FOXJ3: variants seen among roughly 807,000 people sequenced by gnomAD.
The protein encoded by FOXJ3 is forkhead box J3.
In FOXJ3, 22 loss-of-function variants were observed where a neutral mutation model predicts 76.1. The observed-to-expected ratio is 0.29, with a 90% CI of 0.21 to 0.41. The LOEUF (loss-of-function observed/expected upper bound fraction) is 0.41. FOXJ3 is among the 10% of genes least tolerant of loss of function. The pLI is 1.00. For missense variants in FOXJ3, 613 were observed against 762.1 expected, an observed-to-expected ratio of 0.80 and a Z score of 2.30; for synonymous variants, 269 against 261.2, an observed-to-expected ratio of 1.03 and a Z score of -0.29.
At chr1:42,210,283 A>C (rs905818711) in intron 5 of FOXJ3, among the ~76,000 whole-genome samples, 3 of 151,962 alleles carry the variant, frequency 2.0e-5, no homozygotes. Flanking sequence ...GACTTGCTTG[A>C]CCCGGCCCCC....
chr1:42,310,686 G>T (rs1417754914), intron 2 of FOXJ3, among the ~76,000 whole-genome samples: 1 of 151,830 alleles, frequency 6.6e-6, no homozygotes, highest in Admixed American at 6.6e-5. Flanking sequence ...CTGACCTCAG[G>T]TGATCCACCC....
chr1:42,263,067 T>C (rs1651183023), intron 4 of FOXJ3, among the ~76,000 whole-genome samples: 2 of 152,110 alleles, frequency 1.3e-5, no homozygotes, highest in South Asian at 4.1e-4. Flanking sequence ...CAGGACTCAA[T>C]TTATTTCTGT....
rs1356307853 is a variant in FOXJ3 at position 42,237,350 on chromosome 1, G to A, written c.445-9384C>T. Among the ~76,000 whole-genome samples the A allele has an allele frequency of 3.3e-5, 5 of 150,062 alleles. No individual in the cohort carries two copies. The East Asian group carries it at 9.8e-4, about 29-fold the overall frequency. On this transcript the variant is annotated intron_variant, in intron 4 of 12. Coordinates refer to ENST00000361346, the MANE Select transcript of FOXJ3 (RefSeq NM_014947.5). ...AGATCATGCCACTGCACTCCAGCCTGGGCAACAGGGCAAGACTCCATCTCA... is the reference window on the plus strand; with the variant it reads ...AGATCATGCCACTGCACTCCAGCCTAGGCAACAGGGCAAGACTCCATCTCA...
chr1:42,315,646 T>C (rs933415012), intron 1 of FOXJ3, among the ~76,000 whole-genome samples: 4 of 152,208 alleles, frequency 2.6e-5, no homozygotes, highest in African/African-American at 7.2e-5. Flanking sequence ...AACAAACATA[T>C]ATCAGTCTTC....
chr1:42,302,097 T>C (rs1654187190), intron 2 of FOXJ3, among the ~76,000 whole-genome samples: 2 of 152,158 alleles, frequency 1.3e-5, no homozygotes, highest in Non-Finnish European at 1.5e-5. Flanking sequence ...CTTTGAATGG[T>C]AGTTTTCCCA....
chr1:42,243,215 T>C (rs1283796385), intron 4 of FOXJ3, among the ~76,000 whole-genome samples: 1 of 143,294 alleles, frequency 7.0e-6, no homozygotes, highest in Non-Finnish European at 1.5e-5. Flanking sequence ...AAGGATGGTA[T>C]TTACCATCAA....
At chr1:42,212,609 T>C (rs541520952) in intron 5 of FOXJ3, among the ~76,000 whole-genome samples, 4 of 152,248 alleles carry the variant, frequency 2.6e-5, no homozygotes, top group South Asian at 2.1e-4. Context: ...CTAAGAATCA[T>C]AGGTGTTCCT....
chr1:42,265,270 A>C (rs1191994943), intron 3 of FOXJ3, 81 bp from the exon 4 acceptor site: 1 of 702,608 alleles, frequency 1.4e-6, no homozygotes, highest in Non-Finnish European at 2.4e-6. Flanking sequence ...TTAGAAATCT[A>C]AACATCTTTA....
At chr1:42,276,225 G>A (rs1287037480) in intron 3 of FOXJ3, among the ~76,000 whole-genome samples, 1 of 151,976 alleles carries the variant, frequency 6.6e-6, no homozygotes, top group Non-Finnish European at 1.5e-5. Flanking sequence ...GCACAGTGGT[G>A]GGCGCCTGTA....
intron 2 of FOXJ3, chr1:42,280,438 T>TAAAA (rs71065112): frequency 0.053 from 4,116 of 77,512 alleles, 890 homozygotes; most frequent in East Asian, 0.13. Flanking sequence ...TCAGAGATCT[T>TAAAA]AAAAAAAAAA....
At chr1:42,309,837 A>G (rs763871445) in intron 2 of FOXJ3, among the ~76,000 whole-genome samples, 1 of 152,242 alleles carries the variant, frequency 6.6e-6, no homozygotes, top group Non-Finnish European at 1.5e-5. Flanking sequence ...AAGGTAGAAC[A>G]TGGAAGCTTA....
intron 8 of FOXJ3, among the ~76,000 whole-genome samples, chr1:42,193,620 C>T (rs1646592851): frequency 6.6e-6 from 1 of 151,988 alleles, no homozygotes; most frequent in Non-Finnish European, 1.5e-5. Context: ...CCAGAAAAAG[C>T]CATTTCACAC....
At chr1:42,283,421 AC>A (rs1476439998) in intron 2 of FOXJ3, among the ~76,000 whole-genome samples, 1 of 152,192 alleles carries the variant, frequency 6.6e-6, no homozygotes, top group Non-Finnish European at 1.5e-5. Context: ...CTTTTTAGCT[AC>A]TTTAGTACAC....
intron 3 of FOXJ3, among the ~76,000 whole-genome samples, chr1:42,270,581 C>A (rs1460627203): frequency 6.6e-6 from 1 of 152,146 alleles, no homozygotes; most frequent in Admixed American, 6.5e-5. Context: ...GTCCCCATCT[C>A]CCATAACCCC....
chr1:42,235,549 C>T (rs369052462), intron 4 of FOXJ3, among the ~76,000 whole-genome samples: 13 of 148,588 alleles, frequency 8.7e-5, no homozygotes, highest in South Asian at 2.1e-4. Flanking sequence ...TGGCTCCACC[C>T]GTTTTTTTTT....
chr1:42,231,868 T>C (rs1393814034), intron 4 of FOXJ3, among the ~76,000 whole-genome samples: 1 of 152,210 alleles, frequency 6.6e-6, no homozygotes, highest in Non-Finnish European at 1.5e-5. Context: ...TACATATGTA[T>C]ACATGTGCCA....
chr1:42,234,036 G>A (rs1648375525), intron 4 of FOXJ3, among the ~76,000 whole-genome samples: 1 of 152,168 alleles, frequency 6.6e-6, no homozygotes, highest in Non-Finnish European at 1.5e-5. Flanking sequence ...GGCCTTTTCT[G>A]CATCTGATAT....
At chr1:42,310,767 A>T (rs1424855838) in intron 2 of FOXJ3, among the ~76,000 whole-genome samples, 1 of 152,168 alleles carries the variant, frequency 6.6e-6, no homozygotes, top group African/African-American at 2.4e-5. Flanking sequence ...GTCTTTTTAA[A>T]AGAAACACAA....
intron 2 of FOXJ3, among the ~76,000 whole-genome samples, chr1:42,288,130 T>C (rs1208158984): frequency 6.6e-6 from 1 of 152,216 alleles, no homozygotes; most frequent in African/African-American, 2.4e-5. Flanking sequence ...GTTTATTCTG[T>C]CATCAAGTAA....
Sources: gnomAD v4.1 joint callset for allele counts (sites outside exome capture counted in the v4.1 genomes callset) on GRCh38, gnomAD v4.1.1 for gene constraint, MANE v1.5 for transcripts, NCBI Gene and HGNC (gene_info 2026-07-23, HGNC 2026-07-21) for gene names.